CAPRIN1: variants seen among roughly 807,000 people sequenced by gnomAD.
The protein encoded by CAPRIN1 is cell cycle associated protein 1.
CAPRIN1 carries 29 observed loss-of-function variants against 100.9 expected under a neutral mutation model. That is an observed-to-expected ratio of 0.29 (90% CI 0.21 to 0.39). The LOEUF (loss-of-function observed/expected upper bound fraction) is 0.39, where lower values mean the gene tolerates loss of function less well. Among genes scored for constraint, CAPRIN1 ranks in the 10% least tolerant of loss-of-function variants. The pLI, the probability that CAPRIN1 is intolerant of heterozygous loss-of-function variation, is 1.00. For synonymous variants in CAPRIN1, 338 were observed against 307.5 expected, an observed-to-expected ratio of 1.10 and a Z score of -1.04; for missense variants, 795 against 876.7, an observed-to-expected ratio of 0.91 and a Z score of 1.18.
chr11:34,075,613 G>A lies in CAPRIN1; in HGVS notation c.367-623G>A, dbSNP rs1214696554. Among the ~76,000 whole-genome samples the A allele has an allele frequency of 3.3e-5, 5 of 152,326 alleles. No individual in the cohort carries two copies. The South Asian group carries it at 1.0e-3, about 32-fold the overall frequency. On this transcript the variant is annotated intron_variant, in intron 4 of 18. Transcript: ENST00000341394. ...GCAGCGGATTATTTGGGACAAAGGG[G>A]CCCTTGTGGGTTTTTGGCATTTCCT... is the stretch of plus-strand genomic sequence containing the variant.
rs895886829 is a variant in CAPRIN1, at chr11:34,102,098, A to T, written c.*2731A>T. 6.6e-6 allele frequency among the ~76,000 whole-genome samples: 1 copy of T among 152,144 alleles called. No homozygotes were observed. Among genetic ancestry groups the T allele is most frequent in the Non-Finnish European group, 1.5e-5 (1 of 68,004 alleles). On this transcript the variant is annotated 3_prime_UTR_variant, in exon 19 of 19. Transcript: ENST00000341394. The stretch of plus-strand genomic sequence containing the variant: ...AACAAATATCCTTTAAGTATTTCTA[A>T]TCAGTTAGCTTCTACAGTTCTTTTG...
intron 2 of CAPRIN1, among the ~76,000 whole-genome samples, chr11:34,058,679 ATC>A (rs1850507451): frequency 6.6e-6 from 1 of 152,234 alleles, no homozygotes. Context: ...TTCTGAGAAT[ATC>A]GGTAAGGTAA....
At chr11:34,087,993 A>G (rs1218940766) in intron 11 of CAPRIN1, among the ~76,000 whole-genome samples, 2 of 152,058 alleles carry the variant, frequency 1.3e-5, no homozygotes, top group Non-Finnish European at 2.9e-5. Flanking sequence ...GTTAAAAAGT[A>G]TATATTATTT....
At chr11:34,052,330 C>A in intron 1 of CAPRIN1, 91 bp from the exon 2 acceptor site, 1 of 1,055,098 alleles carries the variant, frequency 9.5e-7, no homozygotes, top group Non-Finnish European at 1.4e-6. Flanking sequence ...GCTCGCTGCG[C>A]GTTTTGTCCC....
chr11:34,097,473 G>T (rs562521326), intron 17 of CAPRIN1, among the ~76,000 whole-genome samples, 177 bp downstream of exon 17: 44 of 152,264 alleles, frequency 2.9e-4, no homozygotes, highest in Non-Finnish European at 6.0e-4. Flanking sequence ...AGTAAAGCCT[G>T]TTAAAGACAG....
chr11:34,061,687 C>G (rs528238868), intron 2 of CAPRIN1, among the ~76,000 whole-genome samples: 1 of 151,760 alleles, frequency 6.6e-6, no homozygotes, highest in African/African-American at 2.4e-5. Flanking sequence ...ATATCCTTAC[C>G]GGCCGGGCAC....
Position 34,102,124 on chromosome 11 carries a change from T to G in CAPRIN1, c.*2757T>G, listed in dbSNP as rs1851463234. ...TCAGTTAGCTTCTACAGTTCTTTTG[T>G]CTCCTTTTATATGCAGCTCTTACGT... On this transcript the variant is annotated 3_prime_UTR_variant, in exon 19 of 19. Coordinates refer to ENST00000341394, the MANE Select transcript of CAPRIN1 (RefSeq NM_005898.5). Among the ~76,000 whole-genome samples, 1 of 152,222 alleles carries G rather than the reference T, an allele frequency of 6.6e-6. No homozygotes were observed. Among genetic ancestry groups the G allele is most frequent in the South Asian group, 2.1e-4 (1 of 4,836 alleles).
At chr11:34,059,427 C>A (rs1850526934) in intron 2 of CAPRIN1, among the ~76,000 whole-genome samples, 1 of 152,240 alleles carries the variant, frequency 6.6e-6, no homozygotes, top group Middle Eastern at 3.4e-3. Context: ...TGCCACCACA[C>A]CTGGCTAATT....
At chr11:34,090,485 A>T (rs1851240927) in intron 13 of CAPRIN1, 44 bp from the exon 14 acceptor site, 1 of 1,593,304 alleles carries the variant, frequency 6.3e-7, no homozygotes. Flanking sequence ...TGTTTGGCTA[A>T]GTTTAGTTTA....
At chr11:34,071,660 C>T in intron 2 of CAPRIN1, 66 bp from the exon 3 acceptor site, 1 of 1,106,628 alleles carries the variant, frequency 9.0e-7, no homozygotes, top group Non-Finnish European at 1.4e-6. Flanking sequence ...AGGGTTTTGT[C>T]AAGCATGCTT....
chr11:34,078,105 T>A (rs1015933610), intron 6 of CAPRIN1, among the ~76,000 whole-genome samples: 3 of 152,210 alleles, frequency 2.0e-5, no homozygotes, highest in Admixed American at 2.0e-4. Context: ...TACTAATCTT[T>A]ATAATGGGAA....
intron 12 of CAPRIN1, 139 bp downstream of exon 12, chr11:34,089,595 C>T (rs1851225373): frequency 2.5e-6 from 1 of 407,100 alleles, no homozygotes; most frequent in East Asian, 3.8e-5. Context: ...AGCGAGACAC[C>T]ATCTCTATTT....
At chr11:34,083,852 GA>G (rs200220837) in intron 9 of CAPRIN1, among the ~76,000 whole-genome samples, 12,958 of 152,148 alleles carry the variant, frequency 0.085, 570 homozygotes, top group African/African-American at 0.092. Context: ...TGGATCACAT[GA>G]GGCCAAGAGT....
At chr11:34,058,556 TTC>T (rs1258429693) in intron 2 of CAPRIN1, among the ~76,000 whole-genome samples, 2 of 152,254 alleles carry the variant, frequency 1.3e-5, no homozygotes, top group South Asian at 2.1e-4. Context: ...CTTAGAGTTT[TTC>T]TGTTTTAAAA....
chr11:34,066,781 A>G (rs1316599049), intron 2 of CAPRIN1, among the ~76,000 whole-genome samples: 2 of 145,922 alleles, frequency 1.4e-5, no homozygotes, highest in African/African-American at 5.1e-5. Context: ...ATATGCCACC[A>G]TGCCTGGCTA....
chr11:34,061,684 T>C (rs1431205700), intron 2 of CAPRIN1, among the ~76,000 whole-genome samples: 3 of 151,982 alleles, frequency 2.0e-5, no homozygotes, highest in Non-Finnish European at 2.9e-5. Flanking sequence ...AGTATATCCT[T>C]ACCGGCCGGG....
At chr11:34,087,069 C>T (rs946355138) in intron 11 of CAPRIN1, among the ~76,000 whole-genome samples, 4 of 152,200 alleles carry the variant, frequency 2.6e-5, no homozygotes, top group Non-Finnish European at 5.9e-5. Flanking sequence ...AGTAGTAGCA[C>T]TAAATACAGT....
Position 34,099,595 on chromosome 11 carries a change from C to G in CAPRIN1, c.*228C>G, listed in dbSNP as rs1851422931. 5.7e-6 allele frequency: 3 copies of G among 528,622 alleles called. No individual in the cohort carries two copies. The highest frequency in any genetic ancestry group is 1.0e-5 in the Non-Finnish European group (3 of 297,026). 32.7% of individuals were successfully genotyped at this position (528,622 alleles called of 1,614,324 possible). A position where few individuals can be genotyped will look rare whatever the true frequency, so the allele number is the denominator to read the frequency against. ...TTCTGTCCTAAGCGTCATCTTGAGC[C>G]TTGCACATGATACTCAGATTCCTCA... is the stretch of plus-strand genomic sequence containing the variant. On this transcript the variant is annotated 3_prime_UTR_variant, in exon 19 of 19. Transcript: ENST00000341394.
In CAPRIN1 at chr11:34,076,603, C is replaced by T. The variant is rs967083116; in HGVS notation, c.649C>T (p.Leu217=). 6 of 1,613,834 alleles carry T rather than the reference C, an allele frequency of 3.7e-6. No homozygotes were observed. The highest frequency in any genetic ancestry group is 5.1e-6 in the Non-Finnish European group (6 of 1,179,874). ...YEHASIHLWD[L]LEGKEKPVCG... ...ACATGCCTCCATTCACCTGTGGGAC[C>T]TGCTGGAAGGGAAGGAAAAACCTGT... is the stretch of plus-strand genomic sequence containing the variant. The change falls in exon 6 of 19, where the codon CTG becomes TTG. Residue 217 remains leucine, a synonymous_variant. Transcript: ENST00000341394.
Sources: allele counts gnomAD v4.1 joint callset (sites outside exome capture counted in the v4.1 genomes callset), GRCh38; gene constraint gnomAD v4.1.1; transcripts MANE v1.5; gene names NCBI Gene and HGNC (gene_info 2026-07-23, HGNC 2026-07-21).